The following ASTN2 variants were observed in gnomAD, a reference collection of about 807,000 sequenced individuals.
ASTN2 encodes the protein astrotactin 2.
Under a neutral mutation model 139.8 loss-of-function variants are expected in ASTN2, and 54 were observed. That is an observed-to-expected ratio of 0.39 (90% CI 0.31 to 0.48). The LOEUF (loss-of-function observed/expected upper bound fraction) is 0.48, where lower values mean the gene tolerates loss of function less well. Ranked by LOEUF, ASTN2 falls within the 20% of genes least tolerant of loss-of-function variation. The pLI is 0.95. For synonymous variants in ASTN2, 756 were observed against 719.5 expected, an observed-to-expected ratio of 1.05 and a Z score of -0.81; for missense variants, 1,565 against 1,725.1, an observed-to-expected ratio of 0.91 and a Z score of 1.64.
At chr9:117,258,469 C>G (rs1325743229) in intron 2 of ASTN2, among the ~76,000 whole-genome samples, 1 of 152,132 alleles carries the variant, frequency 6.6e-6, no homozygotes, top group Admixed American at 6.5e-5. Flanking sequence ...GTCTGTGTGA[C>G]AGTTTGCAGC....
chr9:116,719,415 G>C (rs1021618879), intron 16 of ASTN2, among the ~76,000 whole-genome samples: 1 of 152,086 alleles, frequency 6.6e-6, no homozygotes. Flanking sequence ...AGATTCAGAG[G>C]TGACTGTCCT....
At chr9:116,823,029 C>T (rs2132273294) in intron 11 of ASTN2, among the ~76,000 whole-genome samples, 1 of 152,284 alleles carries the variant, frequency 6.6e-6, no homozygotes, top group African/African-American at 2.4e-5. Flanking sequence ...ATGCTGAGGC[C>T]ACCACAACCT....
chr9:116,470,315 G>C (rs1045807372), intron 20 of ASTN2, among the ~76,000 whole-genome samples: 1 of 152,192 alleles, frequency 6.6e-6, no homozygotes, highest in Non-Finnish European at 1.5e-5. Context: ...CTGTGAAGGG[G>C]AAGAGCGCAT....
At chr9:116,490,139 A>C (rs530554904) in intron 19 of ASTN2, among the ~76,000 whole-genome samples, 1 of 152,082 alleles carries the variant, frequency 6.6e-6, no homozygotes, top group African/African-American at 2.4e-5. Context: ...TCTTTTATTC[A>C]GCATAATTTT....
At chr9:117,255,310 A>T (rs1833654141) in intron 2 of ASTN2, among the ~76,000 whole-genome samples, 1 of 152,230 alleles carries the variant, frequency 6.6e-6, no homozygotes, top group Admixed American at 6.5e-5. Flanking sequence ...TACGGCAGCA[A>T]ACAAGATGCA....
intron 10 of ASTN2, among the ~76,000 whole-genome samples, chr9:116,962,765 A>G (rs1036530950): frequency 6.6e-6 from 1 of 152,192 alleles, no homozygotes; most frequent in East Asian, 1.9e-4. Context: ...GTGTGTTGTC[A>G]TAATATAATA....
chr9:116,726,022 G>A, intron 15 of ASTN2, 72 bp from the exon 16 acceptor site: 1 of 1,473,772 alleles, frequency 6.8e-7, no homozygotes, highest in Admixed American at 2.0e-5. Context: ...TACGGTGGCA[G>A]GAGTTCTTCC....
intron 10 of ASTN2, among the ~76,000 whole-genome samples, chr9:116,903,980 A>C (rs1331929600): frequency 2.6e-5 from 4 of 152,130 alleles, no homozygotes; most frequent in African/African-American, 9.7e-5. Flanking sequence ...ATCAATGTTC[A>C]TGTCTCAGAT....
intron 3 of ASTN2, among the ~76,000 whole-genome samples, chr9:117,187,091 T>A (rs1831219139): frequency 1.3e-5 from 2 of 152,146 alleles, no homozygotes; most frequent in South Asian, 4.2e-4. Flanking sequence ...ATTGTGCCAC[T>A]GCACTCCAGC....
At chr9:117,290,792 C>T (rs995811606) in intron 2 of ASTN2, among the ~76,000 whole-genome samples, 2 of 152,192 alleles carry the variant, frequency 1.3e-5, no homozygotes, top group Admixed American at 6.5e-5. Context: ...ACAGTATTCA[C>T]AACTATAAAG....
At chr9:116,997,795 G>A (rs1837067589) in intron 7 of ASTN2, among the ~76,000 whole-genome samples, 1 of 152,182 alleles carries the variant, frequency 6.6e-6, no homozygotes, top group African/African-American at 2.4e-5. Context: ...TTTGCATGGT[G>A]TTTGGTACAC....
At chr9:117,395,149 T>C (rs945227303) in intron 1 of ASTN2, among the ~76,000 whole-genome samples, 4 of 152,156 alleles carry the variant, frequency 2.6e-5, no homozygotes, top group Non-Finnish European at 5.9e-5. Flanking sequence ...GCCAATGTCT[T>C]TTCAGAGGCA....
chr9:117,172,515 C>A (rs987690818), intron 3 of ASTN2, among the ~76,000 whole-genome samples: 1 of 152,006 alleles, frequency 6.6e-6, no homozygotes, highest in African/African-American at 2.4e-5. Flanking sequence ...TTAGCTATGA[C>A]TATTAATCTA....
At chr9:116,908,606 G>C (rs1262463260) in intron 10 of ASTN2, among the ~76,000 whole-genome samples, 1 of 152,176 alleles carries the variant, frequency 6.6e-6, no homozygotes, top group Non-Finnish European at 1.5e-5. Flanking sequence ...TGTTCTGTGT[G>C]GCTCCAGAAG....
rs971320145 is a variant in ASTN2 at position 117,112,195 on chromosome 9, T to C, written c.1169-16044A>G. ...ATTGTAATACTCAATATTGTTAAGA[T>C]GCTTTCTCCCCATAAATTTAATATT... On this transcript the variant is annotated intron_variant, in intron 4 of 22. Coordinates refer to ENST00000313400, the MANE Select transcript of ASTN2 (RefSeq NM_001365068.1). Among the ~76,000 whole-genome samples the C allele has an allele frequency of 5.3e-5, 8 of 151,896 alleles. No homozygotes were observed. In the South Asian group the frequency reaches 1.7e-3, roughly 31 times the overall value.
At chr9:116,902,583 G>A (rs1834041089) in intron 10 of ASTN2, among the ~76,000 whole-genome samples, 1 of 151,856 alleles carries the variant, frequency 6.6e-6, no homozygotes, top group Non-Finnish European at 1.5e-5. Flanking sequence ...ATAACTAGGT[G>A]TGCACTAGGC....
At chr9:116,684,269 T>A (rs1282923857) in intron 16 of ASTN2, among the ~76,000 whole-genome samples, 1 of 152,174 alleles carries the variant, frequency 6.6e-6, no homozygotes, top group Non-Finnish European at 1.5e-5. Context: ...TTTATGCAAA[T>A]AATCAGGCCA....
rs143916760 is a variant in ASTN2, at chr9:116,602,244, C to T, written c.3355+16080G>A. Among the ~76,000 whole-genome samples the T allele has an allele frequency of 1.9e-3, 285 of 152,124 alleles. 1 individual carries two copies. The highest frequency in any genetic ancestry group is 6.5e-3 in the African/African-American group (269 of 41,504). ...TGAGGAATGAAAAGATGAAGTGAACCATTGTAGGCTATACTTTCAAAGGTG... is the reference window on the plus strand; with the variant it reads ...TGAGGAATGAAAAGATGAAGTGAACTATTGTAGGCTATACTTTCAAAGGTG... On this transcript the variant is annotated intron_variant, in intron 19 of 22. Transcript: ENST00000313400.
At chr9:117,088,906 T>G in intron 5 of ASTN2, among the ~76,000 whole-genome samples, 1 of 152,176 alleles carries the variant, frequency 6.6e-6, no homozygotes, top group African/African-American at 2.4e-5. Flanking sequence ...ATCCAGCAGC[T>G]ATAACAGCTC....
Sources: gnomAD v4.1 joint callset for allele counts (sites outside exome capture counted in the v4.1 genomes callset) on GRCh38, gnomAD v4.1.1 for gene constraint, MANE v1.5 for transcripts, NCBI Gene and HGNC (gene_info 2026-07-23, HGNC 2026-07-21) for gene names.